The following GHR variants were observed in gnomAD, a reference collection of about 807,000 sequenced individuals.
The protein encoded by GHR is GH receptor.
In GHR, 35 loss-of-function variants were observed where a neutral mutation model predicts 67.1. The observed-to-expected ratio is 0.52, with a 90% confidence interval of 0.40 to 0.69. The LOEUF (loss-of-function observed/expected upper bound fraction) is 0.69. Ranked by LOEUF, GHR falls within the 30% of genes least tolerant of loss-of-function variation. The pLI is 0.00. For synonymous variants in GHR, 272 were observed against 269.1 expected (o/e 1.01, Z -0.10); for missense variants, 792 against 764.6 (o/e 1.04, Z -0.42).
intron 4 of GHR, among the ~76,000 whole-genome samples, chr5:42,691,568 T>G (rs944712098): frequency 3.9e-5 from 6 of 152,226 alleles, no homozygotes; most frequent in African/African-American, 1.4e-4. Context: ...ATGCTTCTCA[T>G]CCCTGACACA....
rs1255480270 is a variant in GHR, at chr5:42,699,963, A to T, written c.579A>T (p.Glu193Asp). The change falls in exon 6 of 10, where the codon GAA (glutamate) becomes GAT (aspartate). Residue 193 changes from glutamate to aspartate, a missense_variant. By Grantham distance (45) the Glu-to-Asp change is conservative. Transcript: ENST00000230882. ...IQKGWMVLEYELQYKEVNETK... is the reference protein window; with the variant it reads ...IQKGWMVLEYDLQYKEVNETK... The stretch of plus-strand genomic sequence containing the variant: ...AAGGATGGATGGTTCTGGAGTATGA[A>T]CTTCAATACAAAGAAGTAAATGAAA... The T allele has an allele frequency of 7.5e-6, 12 of 1,602,992 alleles. No individual in the cohort carries two copies. Among genetic ancestry groups the T allele is most frequent in the Non-Finnish European group, 1.0e-5 (12 of 1,170,126 alleles).
At chr5:42,520,093 G>C (rs1747410769) in intron 1 of GHR, among the ~76,000 whole-genome samples, 1 of 152,144 alleles carries the variant, frequency 6.6e-6, no homozygotes, top group Non-Finnish European at 1.5e-5. Flanking sequence ...TATGCCTATA[G>C]TTGGAATATT....
intron 1 of GHR, among the ~76,000 whole-genome samples, chr5:42,474,762 A>G (rs1391641642): frequency 6.6e-6 from 1 of 152,186 alleles, no homozygotes; most frequent in African/African-American, 2.4e-5. Context: ...GTAGTTTTCT[A>G]AAGAGTAAAA....
At chr5:42,526,904 G>T (rs1579872283) in intron 1 of GHR, among the ~76,000 whole-genome samples, 1 of 152,122 alleles carries the variant, frequency 6.6e-6, no homozygotes, top group African/African-American at 2.4e-5. Flanking sequence ...AACCCTATAA[G>T]CCAGAAGAGA....
In GHR at chr5:42,665,531, G is replaced by A. The variant is rs536232137; in HGVS notation, c.137-23359G>A. ...AAACACCGCATATTCTCACTCATAGGTGGGAATTGAACAATGAGAACACAT... is the reference window on the plus strand; with the variant it reads ...AAACACCGCATATTCTCACTCATAGATGGGAATTGAACAATGAGAACACAT... On this transcript the variant is annotated intron_variant, in intron 3 of 9. Transcript: ENST00000230882. Among the ~76,000 whole-genome samples, 475 of 151,986 alleles carry A rather than the reference G, an allele frequency of 3.1e-3. 2 individuals carry two copies. The highest frequency in any genetic ancestry group is 5.1e-3 in the Non-Finnish European group (344 of 67,976).
chr5:42,481,296 C>G (rs983625200), intron 1 of GHR, among the ~76,000 whole-genome samples: 1 of 152,160 alleles, frequency 6.6e-6, no homozygotes, highest in African/African-American at 2.4e-5. Flanking sequence ...GGTAACCTGA[C>G]CTTTCTCTCT....
intron 1 of GHR, among the ~76,000 whole-genome samples, chr5:42,450,682 T>G (rs1744010673): frequency 1.3e-5 from 2 of 152,114 alleles, no homozygotes; most frequent in African/African-American, 4.8e-5. Flanking sequence ...TGTTTGGGTT[T>G]GTTTTTTTCT....
intron 6 of GHR, among the ~76,000 whole-genome samples, chr5:42,706,828 T>C (rs1045547387): frequency 1.1e-4 from 16 of 151,970 alleles, no homozygotes; most frequent in African/African-American, 3.6e-4. Context: ...GTGATGCCCC[T>C]GGGTTTATTC....
At chr5:42,712,051 G>A (rs5025611) in intron 7 of GHR, among the ~76,000 whole-genome samples, 134,459 of 152,148 alleles carry the variant, frequency 0.88, 59,782 homozygotes, top group East Asian at 1. Flanking sequence ...ACTGATTAAT[G>A]ATGAGCAGAA....
intron 1 of GHR, among the ~76,000 whole-genome samples, chr5:42,557,458 A>G (rs1749371545): frequency 6.6e-6 from 1 of 152,200 alleles, no homozygotes; most frequent in Non-Finnish European, 1.5e-5. Flanking sequence ...TGTTACTACT[A>G]CCAAGAAGAC....
intron 1 of GHR, among the ~76,000 whole-genome samples, chr5:42,474,640 G>T (rs1221577485): frequency 6.6e-6 from 1 of 152,068 alleles, no homozygotes; most frequent in Non-Finnish European, 1.5e-5. Flanking sequence ...AAAAAGGCAG[G>T]GAACTTAAGA....
intron 3 of GHR, among the ~76,000 whole-genome samples, chr5:42,674,227 G>C (rs1263929515): frequency 6.6e-6 from 1 of 152,044 alleles, no homozygotes; most frequent in African/African-American, 2.4e-5. Context: ...AAATTAATGA[G>C]CTGTGATTTT....
At chr5:42,705,136 C>G (rs1758115794) in intron 6 of GHR, among the ~76,000 whole-genome samples, 1 of 151,856 alleles carries the variant, frequency 6.6e-6, no homozygotes, top group Non-Finnish European at 1.5e-5. Context: ...ATTATGGAAC[C>G]ATCTCAATAT....
chr5:42,467,471 AT>A, intron 1 of GHR: 2 of 998,146 alleles, frequency 2.0e-6, no homozygotes, highest in Non-Finnish European at 3.2e-6. Flanking sequence ...CATTTACAGC[AT>A]TTTTCTGTAA....
At chr5:42,523,699 A>G (rs892675812) in intron 1 of GHR, among the ~76,000 whole-genome samples, 2 of 152,178 alleles carry the variant, frequency 1.3e-5, no homozygotes, top group South Asian at 2.1e-4. Context: ...TAATGCTACA[A>G]TGACCTCTAC....
At chr5:42,592,623 A>T (rs1751845259) in intron 2 of GHR, among the ~76,000 whole-genome samples, 1 of 152,188 alleles carries the variant, frequency 6.6e-6, no homozygotes, top group Non-Finnish European at 1.5e-5. Context: ...ATAGTATTCC[A>T]TGGTGTATAT....
At chr5:42,601,414 CT>C (rs1169460178) in intron 2 of GHR, among the ~76,000 whole-genome samples, 1 of 151,824 alleles carries the variant, frequency 6.6e-6, no homozygotes, top group Non-Finnish European at 1.5e-5. Context: ...TCATTTTAAT[CT>C]GTTCATGAGG....
chr5:42,529,659 G>A (rs1284846255), intron 1 of GHR, among the ~76,000 whole-genome samples: 2 of 152,072 alleles, frequency 1.3e-5, no homozygotes, highest in African/African-American at 4.8e-5. Context: ...CCCTATCACG[G>A]ACACAGCTTA....
chr5:42,457,564 T>A (rs80055753), intron 1 of GHR, among the ~76,000 whole-genome samples: 10 of 152,226 alleles, frequency 6.6e-5, no homozygotes, highest in Non-Finnish European at 5.9e-5. Context: ...TTGATTTCTC[T>A]TATTTCAAAA....
Sources: gnomAD v4.1 joint callset for allele counts (sites outside exome capture counted in the v4.1 genomes callset) on GRCh38, gnomAD v4.1.1 for gene constraint, MANE v1.5 for transcripts, NCBI Gene and HGNC (gene_info 2026-07-23, HGNC 2026-07-21) for gene names.